Variants in SLC35E2B observed in about 807,000 individuals in gnomAD.
SLC35E2B encodes solute carrier family 35, member E2B.
A neutral mutation model predicts 32.4 loss-of-function variants in SLC35E2B; 18 were observed. The ratio of observed to expected loss-of-function variants is 0.56; its 90% CI spans 0.38 to 0.82. The LOEUF (loss-of-function observed/expected upper bound fraction) is 0.82. Ranked by LOEUF, SLC35E2B falls within the 40% of genes least tolerant of loss-of-function variation. The pLI is 0.00. For synonymous variants in SLC35E2B, 132 were observed against 209.1 expected (o/e 0.63, Z 3.18); for missense variants, 263 against 469.5 (o/e 0.56, Z 4.06).
intron 2 of SLC35E2B, among the ~76,000 whole-genome samples, chr1:1,680,051 C>T (rs1027857242): frequency 2.0e-5 from 3 of 151,386 alleles, no homozygotes; most frequent in South Asian, 2.1e-4. Flanking sequence ...CGCTTGAACC[C>T]GGGAGGCGGA....
chr1:1,667,824 G>A (rs1479927917), intron 9 of SLC35E2B, among the ~76,000 whole-genome samples: 2 of 151,768 alleles, frequency 1.3e-5, no homozygotes, highest in Non-Finnish European at 2.9e-5. Context: ...CACAGTTTAC[G>A]GTTTATTTTA....
At chr1:1,686,584 G>A (rs1300906065) in intron 2 of SLC35E2B, among the ~76,000 whole-genome samples, 3 of 150,274 alleles carry the variant, frequency 2.0e-5, no homozygotes, top group Non-Finnish European at 4.4e-5. Flanking sequence ...AGGAGTTCAT[G>A]GTGAAACCCC....
Position 1,664,102 on chromosome 1 carries a change from G to C in SLC35E2B, c.*1680C>G, listed in dbSNP as rs1319713730. ...GGAGGCTGAGGTGGGAGGATCATTTGAGCCCAGGAAGTCGAGGCTGCAGTG... is the reference window on the plus strand; with the variant it reads ...GGAGGCTGAGGTGGGAGGATCATTTCAGCCCAGGAAGTCGAGGCTGCAGTG... On this transcript the variant is annotated 3_prime_UTR_variant, in exon 10 of 10. Transcript: ENST00000617444. 1.4e-5 allele frequency: 7 copies of C among 504,670 alleles called. No individual in the cohort carries two copies. In the Admixed American group the frequency reaches 3.2e-4, roughly 23 times the overall value. 31.3% of individuals were successfully genotyped at this position (504,670 alleles called of 1,614,324 possible). A position where few individuals can be genotyped will look rare whatever the true frequency, so the allele number is the denominator to read the frequency against.
At chr1:1,675,380 T>C (rs2101103655) in intron 5 of SLC35E2B, 83 bp downstream of exon 5, 1 of 1,314,510 alleles carries the variant, frequency 7.6e-7, no homozygotes, top group Middle Eastern at 2.3e-4. Flanking sequence ...CAGAGCCCCA[T>C]GGCAGGCAGC....
At chr1:1,687,432 G>T (rs1424325914) in intron 2 of SLC35E2B, among the ~76,000 whole-genome samples, 2 of 151,578 alleles carry the variant, frequency 1.3e-5, no homozygotes, top group African/African-American at 4.9e-5. Flanking sequence ...CAAAAAATTA[G>T]TCTCTACTAA....
rs571091862 is a variant in SLC35E2B, at chr1:1,685,414, G to GAA, written c.-148+5560_-148+5561dup. Among the ~76,000 whole-genome samples the GAA allele has an allele frequency of 5.2e-3, 533 of 102,732 alleles. 9 individuals are homozygous for GAA. The highest frequency in any genetic ancestry group is 8.1e-3 in the African/African-American group (219 of 26,904). 67.4% of individuals were successfully genotyped at this position (102,732 alleles called of 152,430 possible). ...GGCGACACAGTGAAACGTTTTCTCA[G>GAA]AAAAAAAAAAAAAAAAAAGAAAAGG... On this transcript the variant is annotated intron_variant, in intron 2 of 9. Coordinates refer to ENST00000617444, the MANE Select transcript of SLC35E2B (RefSeq NM_001290264.2).
Position 1,662,670 on chromosome 1 carries a change from G to C in SLC35E2B, c.*3112C>G, listed in dbSNP as rs1331891855. The C allele has an allele frequency of 1.4e-6, 1 of 722,296 alleles. No individual in the cohort carries two copies. The highest frequency in any genetic ancestry group is 1.7e-6 in the Non-Finnish European group (1 of 586,974). 44.7% of individuals were successfully genotyped at this position (722,296 alleles called of 1,614,324 possible). A position where few individuals can be genotyped will look rare whatever the true frequency, so the allele number is the denominator to read the frequency against. The stretch of plus-strand genomic sequence containing the variant: ...GTTATACAGGGAATTGGGACTCTCG[G>C]ATTTTCTTTTTTAACCTTTTTATGC... On this transcript the variant is annotated 3_prime_UTR_variant, in exon 10 of 10. Transcript: ENST00000617444.
chr1:1,673,702 C>T (rs978960171), intron 5 of SLC35E2B, among the ~76,000 whole-genome samples: 1 of 149,788 alleles, frequency 6.7e-6, no homozygotes, highest in African/African-American at 2.5e-5. Flanking sequence ...GTGGCTAACA[C>T]CTGTAATCCC....
chr1:1,671,413 C>T (rs527779858), intron 6 of SLC35E2B, 96 bp downstream of exon 6: 75 of 1,277,276 alleles, frequency 5.9e-5, no homozygotes, highest in South Asian at 1.2e-4. Context: ...CTTTGGCTCA[C>T]GGGAGGAATT....
At chr1:1,688,355 C>T (rs1269723707) in intron 2 of SLC35E2B, among the ~76,000 whole-genome samples, 2 of 152,182 alleles carry the variant, frequency 1.3e-5, no homozygotes, top group East Asian at 3.9e-4. Flanking sequence ...ACCTGCCATC[C>T]CAGCACTTTG....
rs185022979 is a variant in SLC35E2B, at chr1:1,685,972, C to T, written c.-148+5004G>A. Among the ~76,000 whole-genome samples the T allele has an allele frequency of 3.1e-3, 467 of 152,140 alleles. 1 individual carries two copies. Among genetic ancestry groups the T allele is most frequent in the Middle Eastern group, 0.014 (4 of 294 alleles). On this transcript the variant is annotated intron_variant, in intron 2 of 9. Transcript: ENST00000617444. ...TCAGCCTCCTGAGTAGCTGGGATTACAGGCACCCGCCACCACGCCCAGTGA... is the reference window on the plus strand; with the variant it reads ...TCAGCCTCCTGAGTAGCTGGGATTATAGGCACCCGCCACCACGCCCAGTGA...
At chr1:1,678,349 T>C (rs1373093865) in intron 2 of SLC35E2B, among the ~76,000 whole-genome samples, 1 of 151,776 alleles carries the variant, frequency 6.6e-6, no homozygotes, top group Non-Finnish European at 1.5e-5. Context: ...CCAGCAGTGC[T>C]CAGAGGTGCC....
At chr1:1,685,740 G>A (rs2101117268) in intron 2 of SLC35E2B, among the ~76,000 whole-genome samples, 1 of 152,284 alleles carries the variant, frequency 6.6e-6, no homozygotes, top group South Asian at 2.1e-4. Context: ...CGCTGGATGT[G>A]GGTACGCAGG....
chr1:1,664,767 G>A lies in SLC35E2B; in HGVS notation c.*1015C>T, dbSNP rs1347932837. 4.5e-5 allele frequency: 40 copies of A among 897,932 alleles called. 7 individuals are homozygous for A. Among genetic ancestry groups the A allele is most frequent in the Non-Finnish European group, 5.3e-5 (40 of 759,040 alleles). The allele number at this position is 897,932 out of a possible 1,614,324, so 55.6% of individuals were successfully genotyped here. A position where few individuals can be genotyped will look rare whatever the true frequency, so the allele number is the denominator to read the frequency against. ...CGTTTCCTTTTTCAGTAAGGACGGC[G>A]CCCAGGTAAACGCCACGTAACCCAA... is the stretch of plus-strand genomic sequence containing the variant. On this transcript the variant is annotated 3_prime_UTR_variant, in exon 10 of 10. Coordinates refer to ENST00000617444, the MANE Select transcript of SLC35E2B (RefSeq NM_001290264.2).
At position 1,663,803 on chromosome 1, in the gene SLC35E2B, A is replaced by G; in HGVS notation, c.*1979T>C. 1 of 908,032 alleles carries G rather than the reference A, an allele frequency of 1.1e-6. No individual in the cohort carries two copies. The allele number at this position is 908,032 out of a possible 1,614,324, so 56.2% of individuals were successfully genotyped here. ...TTTTTGAGGAAAGCAGAAAAAAAGA[A>G]ATGGAAATCCGGGGAAAGTCACGTG... On this transcript the variant is annotated 3_prime_UTR_variant, in exon 10 of 10. Transcript: ENST00000617444.
chr1:1,667,251 CA>C (rs1215592594), intron 9 of SLC35E2B, among the ~76,000 whole-genome samples: 140 of 132,252 alleles, frequency 1.1e-3, no homozygotes, highest in Admixed American at 1.4e-3. Context: ...CTAAAAAATA[CA>C]AAAAAAAAAA....
intron 6 of SLC35E2B, 28 bp from the exon 7 acceptor site, chr1:1,670,179 C>G (rs1490148493): frequency 6.7e-7 from 1 of 1,500,888 alleles, no homozygotes; most frequent in East Asian, 2.5e-5. Context: ...GGTTATGCAT[C>G]AATACTAGTC....
chr1:1,663,938 C>G lies in SLC35E2B; in HGVS notation c.*1844G>C, dbSNP rs1483632531. Reference sequence around the variant, plus strand: ...AGGTGTAGTAGCCCACGCCTATATTCTCGACACTACAGGAGGCTGAGTGGG... The same window carrying G: ...AGGTGTAGTAGCCCACGCCTATATTGTCGACACTACAGGAGGCTGAGTGGG... On this transcript the variant is annotated 3_prime_UTR_variant, in exon 10 of 10. Transcript: ENST00000617444. 1 of 539,200 alleles carries G rather than the reference C, an allele frequency of 1.9e-6. No homozygotes were observed. Among genetic ancestry groups the G allele is most frequent in the Non-Finnish European group, 2.4e-6 (1 of 418,794 alleles). The allele number at this position is 539,200 out of a possible 1,614,324, so 33.4% of individuals were successfully genotyped here.
rs369071058 is a variant in SLC35E2B at position 1,663,749 on chromosome 1, G to A, written c.*2033C>T. Reference sequence around the variant, plus strand: ...CTCCCAAAGTGCTGCGATTAGAGGCGTGAGCCACCGCACCCAGTCTTCTAT... The same window carrying A: ...CTCCCAAAGTGCTGCGATTAGAGGCATGAGCCACCGCACCCAGTCTTCTAT... On this transcript the variant is annotated 3_prime_UTR_variant, in exon 10 of 10. Coordinates refer to ENST00000617444, the MANE Select transcript of SLC35E2B (RefSeq NM_001290264.2). 13 of 710,668 alleles carry A rather than the reference G, an allele frequency of 1.8e-5. 2 individuals are homozygous for A. In the East Asian group the frequency reaches 1.1e-3, roughly 60 times the overall value. 44.0% of individuals were successfully genotyped at this position (710,668 alleles called of 1,614,324 possible).
Sources: gnomAD v4.1 joint callset for allele counts (sites outside exome capture counted in the v4.1 genomes callset) on GRCh38, gnomAD v4.1.1 for gene constraint, MANE v1.5 for transcripts, NCBI Gene and HGNC (gene_info 2026-07-23, HGNC 2026-07-21) for gene names.